The following CADM2 variants were observed in gnomAD, a reference collection of about 807,000 sequenced individuals.
CADM2 encodes immunoglobulin superfamily member 4D.
CADM2 carries 12 observed loss-of-function variants against 49.8 expected under a neutral mutation model. The observed-to-expected ratio is 0.24, with a 90% CI of 0.15 to 0.39. The LOEUF (loss-of-function observed/expected upper bound fraction) is 0.39. Among genes scored for constraint, CADM2 ranks in the 10% least tolerant of loss-of-function variants. The pLI is 1.00. For synonymous variants in CADM2, 214 were observed against 175.4 expected (o/e 1.22, Z -1.74); for missense variants, 378 against 492.3 (o/e 0.77, Z 2.20).
At chr3:85,090,602 A>G (rs917773835) in intron 1 of CADM2, among the ~76,000 whole-genome samples, 6 of 152,310 alleles carry the variant, frequency 3.9e-5, no homozygotes, top group African/African-American at 1.4e-4. Flanking sequence ...AGAACCGTTA[A>G]CATTTGATCT....
At chr3:85,910,978 C>T (rs748134546) in intron 5 of CADM2, among the ~76,000 whole-genome samples, 1 of 151,880 alleles carries the variant, frequency 6.6e-6, no homozygotes, top group African/African-American at 2.4e-5. Flanking sequence ...CCAATCTTTG[C>T]GTAAGGCACA....
intron 1 of CADM2, among the ~76,000 whole-genome samples, chr3:85,347,949 A>G (rs1384687641): frequency 6.6e-6 from 1 of 151,954 alleles, no homozygotes; most frequent in African/African-American, 2.4e-5. Context: ...CTGGGACTAC[A>G]GGCGCCCACC....
At chr3:85,561,457 T>C (rs2062092520) in intron 1 of CADM2, among the ~76,000 whole-genome samples, 2 of 152,196 alleles carry the variant, frequency 1.3e-5, no homozygotes, top group African/African-American at 4.8e-5. Flanking sequence ...AATAATGCCA[T>C]ATCATAAAAG....
intron 1 of CADM2, among the ~76,000 whole-genome samples, chr3:85,574,484 A>G (rs1288958830): frequency 6.6e-6 from 1 of 152,162 alleles, no homozygotes; most frequent in African/African-American, 2.4e-5. Flanking sequence ...AAAATGATAC[A>G]TAGGCCCAAG....
chr3:85,211,181 C>G (rs1304562409), intron 1 of CADM2, among the ~76,000 whole-genome samples: 1 of 152,116 alleles, frequency 6.6e-6, no homozygotes, highest in Non-Finnish European at 1.5e-5. Context: ...TTTTCTCTCT[C>G]TCTCTCTCTT....
intron 1 of CADM2, among the ~76,000 whole-genome samples, chr3:85,022,139 C>T (rs1383728013): frequency 1.3e-5 from 2 of 152,186 alleles, no homozygotes; most frequent in Non-Finnish European, 2.9e-5. Flanking sequence ...GACAGGCTGA[C>T]ATGAGAGCAT....
intron 2 of CADM2, among the ~76,000 whole-genome samples, chr3:85,752,726 G>A (rs1055523695): frequency 2.0e-5 from 3 of 151,752 alleles, no homozygotes; most frequent in East Asian, 3.9e-4. Context: ...TGCCCCACTC[G>A]TGGAAAGAAA....
chr3:85,584,730 G>A (rs1056593901), intron 1 of CADM2, among the ~76,000 whole-genome samples: 7 of 151,998 alleles, frequency 4.6e-5, no homozygotes, highest in African/African-American at 1.7e-4. Flanking sequence ...AATTTTTCAT[G>A]GATTCTGAGA....
At chr3:85,720,367 T>G (rs753790469) in intron 1 of CADM2, among the ~76,000 whole-genome samples, 10 of 152,194 alleles carry the variant, frequency 6.6e-5, no homozygotes, top group African/African-American at 1.2e-4. Flanking sequence ...TGATATTACC[T>G]GAATGGTAAT....
chr3:85,461,842 A>T (rs2038260698), intron 1 of CADM2, among the ~76,000 whole-genome samples: 1 of 152,152 alleles, frequency 6.6e-6, no homozygotes, highest in Admixed American at 6.6e-5. Context: ...CAACATCTAT[A>T]TCCTGAAAAC....
chr3:85,352,498 A>G (rs9873752), intron 1 of CADM2, among the ~76,000 whole-genome samples: 141,938 of 152,132 alleles, frequency 0.93, 66,486 homozygotes, highest in Non-Finnish European at 0.97. Context: ...TTTTGATTGC[A>G]AATTAGGGAT....
chr3:85,998,718 T>C (rs6549064), intron 8 of CADM2, among the ~76,000 whole-genome samples: 93,283 of 151,092 alleles, frequency 0.62, 29,138 homozygotes, highest in African/African-American at 0.71. Context: ...TTTTGAAGAT[T>C]GCTGTGATAT....
intron 2 of CADM2, chr3:85,801,050 A>G (rs2071996415): frequency 6.6e-6 from 1 of 152,226 alleles, no homozygotes; most frequent in African/African-American, 2.4e-5. Context: ...TCCCTTGCTT[A>G]CATAATAATA....
intron 2 of CADM2, among the ~76,000 whole-genome samples, chr3:85,764,386 TC>T (rs1472807490): frequency 6.6e-6 from 1 of 152,050 alleles, no homozygotes; most frequent in African/African-American, 2.4e-5. Context: ...GAAGATGAAA[TC>T]TTTTTAAATA....
intron 1 of CADM2, among the ~76,000 whole-genome samples, chr3:84,969,949 T>C (rs1405248838): frequency 6.6e-6 from 1 of 151,926 alleles, no homozygotes; most frequent in Admixed American, 6.6e-5. Context: ...ATCTTCTTGT[T>C]CTACTTTGAG....
chr3:85,205,633 A>C, intron 1 of CADM2, among the ~76,000 whole-genome samples: 1 of 152,156 alleles, frequency 6.6e-6, no homozygotes, highest in Admixed American at 6.5e-5. Context: ...TGCATGTAAT[A>C]GTAATAAAAT....
intron 3 of CADM2, among the ~76,000 whole-genome samples, chr3:85,849,896 A>G (rs77552899): frequency 2.6e-5 from 4 of 151,908 alleles, no homozygotes; most frequent in African/African-American, 9.7e-5. Context: ...ATTACCAAGA[A>G]AATGATTTAA....
chr3:85,369,749 G>A (rs1365193423), intron 1 of CADM2, among the ~76,000 whole-genome samples: 2 of 152,116 alleles, frequency 1.3e-5, no homozygotes, highest in Admixed American at 6.5e-5. Flanking sequence ...TTATTTTAAA[G>A]AGGCATAGAA....
intron 1 of CADM2, among the ~76,000 whole-genome samples, chr3:85,113,086 C>T (rs11923763): frequency 6.2e-4 from 94 of 152,120 alleles, no homozygotes; most frequent in African/African-American, 2.2e-3. Context: ...TCTTCTTCAG[C>T]TCATTGTATT....
Sources: gnomAD v4.1 joint callset for allele counts (sites outside exome capture counted in the v4.1 genomes callset) on GRCh38, gnomAD v4.1.1 for gene constraint, MANE v1.5 for transcripts, NCBI Gene and HGNC (gene_info 2026-07-23, HGNC 2026-07-21) for gene names.